CFDP1: variants seen among roughly 807,000 people sequenced by gnomAD.
CFDP1 encodes heterochromatin-stabilizing protein CFDP1.
CFDP1 carries 31 observed loss-of-function variants against 40.1 expected under a neutral mutation model. The ratio of observed to expected loss-of-function variants is 0.77; its 90% CI spans 0.58 to 1.04. The LOEUF is 1.04. Ranked by LOEUF, CFDP1 falls within the 50% of genes least tolerant of loss-of-function variation. CFDP1 has a pLI of 0.00. For synonymous variants in CFDP1, 167 were observed against 120.0 expected (o/e 1.39, Z -2.56); for missense variants, 423 against 343.4 (o/e 1.23, Z -1.83).
intron 5 of CFDP1, among the ~76,000 whole-genome samples, chr16:75,309,371 A>G (rs1040162385): frequency 1.3e-5 from 2 of 151,632 alleles, no homozygotes; most frequent in Non-Finnish European, 1.5e-5. Flanking sequence ...CTATTCTGAG[A>G]AAGAACACAG....
intron 5 of CFDP1, among the ~76,000 whole-genome samples, chr16:75,332,375 G>T (rs920977630): frequency 6.6e-6 from 1 of 152,120 alleles, no homozygotes; most frequent in Non-Finnish European, 1.5e-5. Context: ...TGAGGCAGGA[G>T]AATCACTTGA....
intron 5 of CFDP1, among the ~76,000 whole-genome samples, chr16:75,310,605 T>C (rs2078288638): frequency 6.6e-6 from 1 of 152,258 alleles, no homozygotes; most frequent in African/African-American, 2.4e-5. Context: ...AGAGATATTA[T>C]GGTAACTTGT....
At chr16:75,343,731 G>C (rs1197143661) in intron 5 of CFDP1, among the ~76,000 whole-genome samples, 8 of 152,144 alleles carry the variant, frequency 5.3e-5, no homozygotes, top group Admixed American at 5.2e-4. Context: ...CAATATCCTA[G>C]CACTGACTAG....
Position 75,407,115 on chromosome 16 carries a change from G to A in CFDP1, c.530+4710C>T. Among the ~76,000 whole-genome samples the A allele has an allele frequency of 1.3e-5, 2 of 152,190 alleles. 1 individual carries two copies. Among genetic ancestry groups the A allele is most frequent in the East Asian group, 3.8e-4 (2 of 5,200 alleles). ...AGGCTGTGGTGGGAGGCTGACGTGG[G>A]AGGATCACTTGAGCCCATGAGTTCA... On this transcript the variant is annotated intron_variant, in intron 4 of 6. Coordinates refer to ENST00000283882, the MANE Select transcript of CFDP1 (RefSeq NM_006324.3).
chr16:75,336,001 A>G (rs2078485545), intron 5 of CFDP1, among the ~76,000 whole-genome samples: 2 of 152,210 alleles, frequency 1.3e-5, no homozygotes, highest in Non-Finnish European at 2.9e-5. Flanking sequence ...GGGGAAGACA[A>G]TTAGAAGGGG....
chr16:75,356,675 C>T (rs998594696), intron 5 of CFDP1, among the ~76,000 whole-genome samples: 10 of 152,090 alleles, frequency 6.6e-5, no homozygotes, highest in African/African-American at 2.4e-4. Context: ...ACTTCTCCTT[C>T]CGAGCTAACT....
At chr16:75,337,737 A>T (rs1221170636) in intron 5 of CFDP1, among the ~76,000 whole-genome samples, 1 of 152,094 alleles carries the variant, frequency 6.6e-6, no homozygotes, top group Non-Finnish European at 1.5e-5. Flanking sequence ...AGAACTCACT[A>T]TCACGAAAAC....
At chr16:75,294,362 C>T (rs990906694) in intron 6 of CFDP1, among the ~76,000 whole-genome samples, 4 of 152,236 alleles carry the variant, frequency 2.6e-5, no homozygotes, top group Non-Finnish European at 5.9e-5. Context: ...CTAGCTCTAG[C>T]TCACTGATTA....
Position 75,399,547 on chromosome 16 carries a change from C to CT in CFDP1, c.531-4339dup, listed in dbSNP as rs199688800. 3.8e-3 allele frequency among the ~76,000 whole-genome samples: 576 copies of CT among 151,486 alleles called. 3 individuals are homozygous for CT. The highest frequency in any genetic ancestry group is 0.013 in the African/African-American group (527 of 41,352). ...GGGATGCCAACAGAATTTTCTTCTT[C>CT]TTTTTTTTTGTTTTAAAGACAGAGT... On this transcript the variant is annotated intron_variant, in intron 4 of 6. Transcript: ENST00000283882.
At chr16:75,420,331 T>G (rs2079263924) in intron 1 of CFDP1, among the ~76,000 whole-genome samples, 1 of 152,158 alleles carries the variant, frequency 6.6e-6, no homozygotes, top group African/African-American at 2.4e-5. Flanking sequence ...AGATGTCCAT[T>G]GATAATGCAT....
At position 75,418,052 on chromosome 16, in the gene CFDP1, G is replaced by C. The variant is rs537663204; in HGVS notation, c.65-3357C>G. ...GTGTATCACCTGAGGCCAGGAGTTC[G>C]AGACCAGTCTGGCCAACACAGTGAA... On this transcript the variant is annotated intron_variant, in intron 1 of 6. Transcript: ENST00000283882. Among the ~76,000 whole-genome samples the C allele has an allele frequency of 5.3e-5, 8 of 151,936 alleles. No individual in the cohort carries two copies. The East Asian group carries it at 9.8e-4, about 19-fold the overall frequency.
At chr16:75,428,042 A>G (rs2079361230) in intron 1 of CFDP1, among the ~76,000 whole-genome samples, 1 of 152,178 alleles carries the variant, frequency 6.6e-6, no homozygotes. Flanking sequence ...GCAAAACTAT[A>G]AAGATGGAAA....
At chr16:75,340,093 C>T (rs999250283) in intron 5 of CFDP1, among the ~76,000 whole-genome samples, 5 of 152,158 alleles carry the variant, frequency 3.3e-5, no homozygotes, top group African/African-American at 9.7e-5. Context: ...AATAAGCAAG[C>T]ATTTGAGTTT....
At chr16:75,299,500 CAGG>C (rs2151497853) in intron 6 of CFDP1, among the ~76,000 whole-genome samples, 1 of 151,298 alleles carries the variant, frequency 6.6e-6, no homozygotes, top group East Asian at 1.9e-4. Flanking sequence ...GAGGCTGAGG[CAGG>C]AGAATGGCGT....
At chr16:75,342,437 T>C (rs1339812918) in intron 5 of CFDP1, among the ~76,000 whole-genome samples, 1 of 152,218 alleles carries the variant, frequency 6.6e-6, no homozygotes, top group Non-Finnish European at 1.5e-5. Context: ...GCAAAGTAGA[T>C]TGTTTTCTTT....
At chr16:75,370,574 A>G (rs560949151) in intron 5 of CFDP1, among the ~76,000 whole-genome samples, 2 of 152,108 alleles carry the variant, frequency 1.3e-5, no homozygotes, top group Non-Finnish European at 2.9e-5. Context: ...TAATAATAAT[A>G]ATGTGTGGCA....
rs150378345 is a variant in CFDP1, at chr16:75,320,427, T to C, written c.651-15245A>G. 1.6e-3 allele frequency among the ~76,000 whole-genome samples: 220 copies of C among 138,710 alleles called. 2 individuals carry two copies. Among genetic ancestry groups the C allele is most frequent in the African/African-American group, 5.6e-3 (209 of 37,490 alleles). The allele number at this position is 138,710 out of a possible 152,430, so 91.0% of individuals were successfully genotyped here. A position where few individuals can be genotyped will look rare whatever the true frequency, so the allele number is the denominator to read the frequency against. ...GTTGGCTGCTCTGCCAACAGATTGTTTGAAGGAAAACTAGTTAAAAAAAAA... is the reference window on the plus strand; with the variant it reads ...GTTGGCTGCTCTGCCAACAGATTGTCTGAAGGAAAACTAGTTAAAAAAAAA... On this transcript the variant is annotated intron_variant, in intron 5 of 6. Transcript: ENST00000283882.
intron 5 of CFDP1, among the ~76,000 whole-genome samples, chr16:75,336,231 C>A (rs901467950): frequency 6.6e-6 from 1 of 152,150 alleles, no homozygotes; most frequent in African/African-American, 2.4e-5. Context: ...AGACACTGCC[C>A]TCAAGGAGCC....
intron 5 of CFDP1, among the ~76,000 whole-genome samples, chr16:75,337,766 G>A (rs959262991): frequency 1.3e-5 from 2 of 152,112 alleles, no homozygotes; most frequent in African/African-American, 2.4e-5. Context: ...GGAAGTCCAT[G>A]CCCATGATCC....
Sources: allele counts gnomAD v4.1 joint callset (sites outside exome capture counted in the v4.1 genomes callset), GRCh38; gene constraint gnomAD v4.1.1; transcripts MANE v1.5; gene names NCBI Gene and HGNC (gene_info 2026-07-23, HGNC 2026-07-21).